Variants in GABRB1 observed in about 807,000 individuals in gnomAD.
GABRB1 encodes the protein gamma-aminobutyric acid receptor subunit beta-1.
Under a neutral mutation model 51.6 loss-of-function variants are expected in GABRB1, and 17 were observed. The observed-to-expected ratio is 0.33, with a 90% CI of 0.23 to 0.49. The LOEUF is 0.49. Ranked by LOEUF, GABRB1 falls within the 20% of genes least tolerant of loss-of-function variation. The pLI is 0.99. For synonymous variants in GABRB1, 247 were observed against 218.9 expected, an observed-to-expected ratio of 1.13 and a Z score of -1.14; for missense variants, 410 against 600.6, an observed-to-expected ratio of 0.68 and a Z score of 3.32.
intron 4 of GABRB1, among the ~76,000 whole-genome samples, chr4:47,168,917 G>T (rs1718320112): frequency 6.6e-6 from 1 of 152,022 alleles, no homozygotes; most frequent in African/African-American, 2.4e-5. Context: ...TCTTCCCCCT[G>T]TGTCTCCACA....
At chr4:47,136,963 C>A (rs181746367) in intron 3 of GABRB1, among the ~76,000 whole-genome samples, 64 of 152,124 alleles carry the variant, frequency 4.2e-4, no homozygotes, top group African/African-American at 1.5e-3. Context: ...AATCAAGCAC[C>A]TGCAAAGAAG....
intron 5 of GABRB1, among the ~76,000 whole-genome samples, chr4:47,344,017 T>C (rs926026551): frequency 1.4e-4 from 22 of 152,202 alleles, no homozygotes; most frequent in Admixed American, 9.2e-4. Context: ...TGCTTTAGAT[T>C]ATATTACTAA....
chr4:47,081,669 T>A lies in GABRB1; in HGVS notation c.240+49185T>A, dbSNP rs140589226. Among the ~76,000 whole-genome samples the A allele has an allele frequency of 2.8e-3, 432 of 152,246 alleles. 2 individuals carry two copies. The highest frequency in any genetic ancestry group is 9.0e-3 in the African/African-American group (375 of 41,572). On this transcript the variant is annotated intron_variant, in intron 3 of 8. Coordinates refer to ENST00000295454, the MANE Select transcript of GABRB1 (RefSeq NM_000812.4). Reference sequence around the variant, plus strand: ...TGTGCCCAAGTTTAATATGTTTTTATGTTTTAGAGAGGACATACTATAATG... The same window carrying A: ...TGTGCCCAAGTTTAATATGTTTTTAAGTTTTAGAGAGGACATACTATAATG...
At chr4:47,006,564 T>A (rs1724406877) in intron 1 of GABRB1, among the ~76,000 whole-genome samples, 2 of 152,298 alleles carry the variant, frequency 1.3e-5, no homozygotes, top group East Asian at 3.9e-4. Context: ...TTTGATAAGA[T>A]GTGTAGCTAT....
chr4:47,269,935 T>TACACACACACACACAC (rs10639386), intron 4 of GABRB1, among the ~76,000 whole-genome samples: 1,424 of 136,022 alleles, frequency 0.01, 45 homozygotes, highest in Middle Eastern at 0.028. Flanking sequence ...CAACTCTCCC[T>TACACACACACACACAC]ACACACACAC....
At chr4:47,355,229 G>C (rs547159870) in intron 5 of GABRB1, among the ~76,000 whole-genome samples, 56 of 152,110 alleles carry the variant, frequency 3.7e-4, no homozygotes, top group Non-Finnish European at 6.5e-4. Context: ...TGATTTGCCT[G>C]CCTTGGCTTC....
chr4:47,358,727 C>T (rs940012066), intron 5 of GABRB1, among the ~76,000 whole-genome samples: 1 of 152,274 alleles, frequency 6.6e-6, no homozygotes, highest in South Asian at 2.1e-4. Flanking sequence ...AGAACTCCAA[C>T]ATATGAATTT....
intron 4 of GABRB1, among the ~76,000 whole-genome samples, chr4:47,279,252 A>C (rs1054725459): frequency 3.3e-5 from 5 of 152,196 alleles, no homozygotes; most frequent in African/African-American, 1.2e-4. Flanking sequence ...ATAGTTTAGC[A>C]AATAAACAAA....
chr4:47,159,725 TA>T (rs1196757693), intron 3 of GABRB1, among the ~76,000 whole-genome samples: 1 of 152,126 alleles, frequency 6.6e-6, no homozygotes, highest in East Asian at 1.9e-4. Context: ...AATATTGTTT[TA>T]TATTTTAAGA....
intron 4 of GABRB1, among the ~76,000 whole-genome samples, chr4:47,177,200 C>A (rs1028780886): frequency 1.3e-5 from 2 of 152,096 alleles, no homozygotes; most frequent in African/African-American, 4.8e-5. Context: ...GATAACGAAG[C>A]ACTGAAGATT....
chr4:47,220,142 C>A (rs1720713833), intron 4 of GABRB1, among the ~76,000 whole-genome samples: 1 of 151,968 alleles, frequency 6.6e-6, no homozygotes, highest in Non-Finnish European at 1.5e-5. Flanking sequence ...CCTTCTTCAG[C>A]TGCATCATCC....
chr4:47,206,066 A>C lies in GABRB1; in HGVS notation c.461+44597A>C, dbSNP rs144249589. Among the ~76,000 whole-genome samples, 279 of 152,076 alleles carry C rather than the reference A, an allele frequency of 1.8e-3. 1 individual carries two copies. Among genetic ancestry groups the C allele is most frequent in the African/African-American group, 6.5e-3 (271 of 41,498 alleles). ...ATAGGTTCACAGGATTAAAAAAAAA[A>C]TAGCACTGAATATCTTAAAACCATG... On this transcript the variant is annotated intron_variant, in intron 4 of 8. Coordinates refer to ENST00000295454, the MANE Select transcript of GABRB1 (RefSeq NM_000812.4).
At chr4:47,072,800 T>C (rs1043547633) in intron 3 of GABRB1, among the ~76,000 whole-genome samples, 6 of 152,190 alleles carry the variant, frequency 3.9e-5, no homozygotes, top group Non-Finnish European at 5.9e-5. Flanking sequence ...CTATGTTATT[T>C]ATGTTGGTAC....
chr4:46,999,308 G>A (rs924523249), intron 1 of GABRB1, among the ~76,000 whole-genome samples: 1 of 152,096 alleles, frequency 6.6e-6, no homozygotes, highest in African/African-American at 2.4e-5. Context: ...GGGACTAATA[G>A]AACCACTTTG....
intron 5 of GABRB1, among the ~76,000 whole-genome samples, chr4:47,326,305 G>A (rs1010585096): frequency 2.6e-5 from 4 of 152,166 alleles, no homozygotes; most frequent in African/African-American, 9.6e-5. Flanking sequence ...CAGTGCCTAC[G>A]TCATTCACCT....
intron 4 of GABRB1, among the ~76,000 whole-genome samples, chr4:47,303,386 CTA>C (rs57422800): frequency 0.4 from 55,981 of 141,322 alleles, 11,208 homozygotes; most frequent in East Asian, 0.84. Flanking sequence ...CTCTCTCTCT[CTA>C]TATATATATA....
chr4:47,143,362 C>T (rs1220345413), intron 3 of GABRB1, among the ~76,000 whole-genome samples: 2 of 151,468 alleles, frequency 1.3e-5, no homozygotes, highest in African/African-American at 4.8e-5. Context: ...TTTTTTCTTT[C>T]CCGGTATTAT....
intron 4 of GABRB1, among the ~76,000 whole-genome samples, chr4:47,313,274 C>A (rs140693725): frequency 2.4e-4 from 37 of 152,134 alleles, no homozygotes; most frequent in African/African-American, 8.9e-4. Context: ...CTGGTTTTAC[C>A]ATCCTATACT....
At chr4:47,206,046 T>A (rs995025547) in intron 4 of GABRB1, among the ~76,000 whole-genome samples, 2 of 148,522 alleles carry the variant, frequency 1.3e-5, no homozygotes, top group African/African-American at 5.1e-5. Context: ...GAGCCATAGG[T>A]TCACAGGATT....
Sources: gnomAD v4.1 joint callset for allele counts (sites outside exome capture counted in the v4.1 genomes callset) on GRCh38, gnomAD v4.1.1 for gene constraint, MANE v1.5 for transcripts, NCBI Gene and HGNC (gene_info 2026-07-23, HGNC 2026-07-21) for gene names.